Variants in RNGTT observed in about 807,000 individuals in gnomAD.
The protein encoded by RNGTT is RNA guanylyltransferase and 5'-phosphatase, also known as mRNA-capping enzyme.
Under a neutral mutation model 79.3 loss-of-function variants are expected in RNGTT, and 33 were observed. The ratio of observed to expected loss-of-function variants is 0.42; its 90% CI spans 0.32 to 0.56. The LOEUF (loss-of-function observed/expected upper bound fraction) is 0.56, where lower values mean the gene tolerates loss of function less well. Ranked by LOEUF, RNGTT falls within the 20% of genes least tolerant of loss-of-function variation. The pLI, the probability that RNGTT is intolerant of heterozygous loss-of-function variation, is 0.17. For synonymous variants in RNGTT, 222 were observed against 235.9 expected (o/e 0.94, Z 0.54); for missense variants, 497 against 739.1 (o/e 0.67, Z 3.80).
At chr6:88,658,810 G>A (rs1774076124) in intron 14 of RNGTT, among the ~76,000 whole-genome samples, 2 of 152,320 alleles carry the variant, frequency 1.3e-5, no homozygotes, top group Admixed American at 6.5e-5. Context: ...GATGCTTCCT[G>A]CCCTCAAACA....
In RNGTT at chr6:88,611,298, A is replaced by G. The variant is rs1184541383; in HGVS notation, c.*1421T>C. On this transcript the variant is annotated 3_prime_UTR_variant, in exon 16 of 16. Coordinates refer to ENST00000369485, the MANE Select transcript of RNGTT (RefSeq NM_003800.5). ...CGTCAGATATTCAGTCTACCGGGTAATTCAGTTGGATTTCGTGTCTGACTG... is the reference window on the plus strand; with the variant it reads ...CGTCAGATATTCAGTCTACCGGGTAGTTCAGTTGGATTTCGTGTCTGACTG... 6.6e-6 allele frequency: 1 copy of G among 152,658 alleles called. No individual in the cohort carries two copies. Among genetic ancestry groups the G allele is most frequent in the African/African-American group, 2.4e-5 (1 of 41,460 alleles). 9.5% of individuals were successfully genotyped at this position (152,658 alleles called of 1,614,324 possible).
intron 1 of RNGTT, among the ~76,000 whole-genome samples, chr6:88,963,124 G>A (rs549870938): frequency 1.7e-4 from 26 of 152,042 alleles, no homozygotes; most frequent in Non-Finnish European, 3.2e-4. Context: ...CTTCACATTC[G>A]CACAGTTAGC....
chr6:88,958,545 CA>C (rs560350998), intron 1 of RNGTT, among the ~76,000 whole-genome samples: 53 of 152,130 alleles, frequency 3.5e-4, no homozygotes, highest in Non-Finnish European at 6.5e-4. Context: ...ATAATCCCAT[CA>C]AAAAGTGGAC....
chr6:88,927,575 T>C (rs1455982908), intron 4 of RNGTT, among the ~76,000 whole-genome samples: 1 of 151,836 alleles, frequency 6.6e-6, no homozygotes, highest in South Asian at 2.1e-4. Flanking sequence ...GGCAGGAGAA[T>C]TGCTTGAACC....
chr6:88,953,230 A>G (rs1389752970), intron 1 of RNGTT, among the ~76,000 whole-genome samples: 1 of 152,226 alleles, frequency 6.6e-6, no homozygotes, highest in Non-Finnish European at 1.5e-5. Flanking sequence ...AAAATACAAG[A>G]TATGGATGAA....
chr6:88,705,114 T>A (rs1776087064), intron 13 of RNGTT, among the ~76,000 whole-genome samples: 1 of 152,150 alleles, frequency 6.6e-6, no homozygotes, highest in African/African-American at 2.4e-5. Context: ...GCACTATGAC[T>A]CAACATTGAA....
At chr6:88,847,766 T>C (rs1031838507) in intron 10 of RNGTT, among the ~76,000 whole-genome samples, 3 of 152,032 alleles carry the variant, frequency 2.0e-5, no homozygotes, top group African/African-American at 7.2e-5. Flanking sequence ...AGATTGACTT[T>C]ATTAAAATTT....
chr6:88,931,567 G>A (rs1367546933), intron 2 of RNGTT, among the ~76,000 whole-genome samples: 1 of 152,116 alleles, frequency 6.6e-6, no homozygotes, highest in East Asian at 1.9e-4. Flanking sequence ...ACCATGTGAT[G>A]CCTAAGAATC....
chr6:88,906,414 G>A lies in RNGTT; in HGVS notation c.394C>T (p.Arg132Cys). Residue 132 changes from arginine (R) to cysteine (C), a missense_variant, in exon 5 of 16, where the codon CGC becomes TGC. Physicochemically the swap from Arg to Cys is radical, Grantham distance 180. Coordinates refer to ENST00000369485, the MANE Select transcript of RNGTT (RefSeq NM_003800.5). ...AAGGCACATATGAGGAAACCAGTGCGATTGAAGCCATGAGTACAATGAACA... is the reference window on the plus strand; with the variant it reads ...AAGGCACATATGAGGAAACCAGTGCAATTGAAGCCATGAGTACAATGAACA... ...IGVHCTHGFNRTGFLICAFLV... is the reference protein window; with the variant it reads ...IGVHCTHGFNCTGFLICAFLV... 1.9e-6 allele frequency: 3 copies of A among 1,603,808 alleles called. No individual in the cohort carries two copies. The highest frequency in any genetic ancestry group is 2.3e-5 in the South Asian group (2 of 88,120).
At chr6:88,928,595 T>C (rs1300436237) in intron 4 of RNGTT, among the ~76,000 whole-genome samples, 1 of 152,182 alleles carries the variant, frequency 6.6e-6, no homozygotes, top group Non-Finnish European at 1.5e-5. Flanking sequence ...AATGGAATAC[T>C]ATATAGAAGC....
chr6:88,755,877 T>A (rs999729606), intron 13 of RNGTT, among the ~76,000 whole-genome samples: 1 of 149,144 alleles, frequency 6.7e-6, no homozygotes, highest in African/African-American at 2.5e-5. Flanking sequence ...AGAGAACTGC[T>A]TGAACCTGGG....
At chr6:88,684,451 T>C (rs1365512742) in intron 13 of RNGTT, among the ~76,000 whole-genome samples, 2 of 152,230 alleles carry the variant, frequency 1.3e-5, no homozygotes, top group African/African-American at 4.8e-5. Flanking sequence ...ATAGCGGCTT[T>C]ATTCATTATT....
intron 12 of RNGTT, among the ~76,000 whole-genome samples, chr6:88,785,424 T>C (rs115825834): frequency 2.4e-3 from 364 of 152,218 alleles, no homozygotes; most frequent in African/African-American, 8.1e-3. Context: ...GAAAATGATG[T>C]TTTGCTTTTT....
At chr6:88,936,438 T>A (rs1393367109) in intron 2 of RNGTT, among the ~76,000 whole-genome samples, 2 of 152,222 alleles carry the variant, frequency 1.3e-5, no homozygotes, top group Admixed American at 1.3e-4. Flanking sequence ...TAAGTGGACA[T>A]CCTTGTCTTG....
chr6:88,719,054 G>C (rs1292984595), intron 13 of RNGTT, among the ~76,000 whole-genome samples: 5 of 152,164 alleles, frequency 3.3e-5, no homozygotes, highest in Non-Finnish European at 5.9e-5. Flanking sequence ...ATTTGGATAA[G>C]AAAATGGGCA....
At chr6:88,664,613 G>A (rs1562180105) in intron 14 of RNGTT, among the ~76,000 whole-genome samples, 1 of 152,180 alleles carries the variant, frequency 6.6e-6, no homozygotes, top group Non-Finnish European at 1.5e-5. Context: ...TACCCAGTCT[G>A]ACCGTCCACG....
At chr6:88,920,563 C>T (rs1301915938) in intron 4 of RNGTT, among the ~76,000 whole-genome samples, 1 of 151,986 alleles carries the variant, frequency 6.6e-6, no homozygotes, top group Non-Finnish European at 1.5e-5. Flanking sequence ...ATGACTAGAA[C>T]CTACACAGCT....
chr6:88,696,639 G>C (rs867934264), intron 13 of RNGTT, among the ~76,000 whole-genome samples: 5 of 137,524 alleles, frequency 3.6e-5, no homozygotes, highest in Non-Finnish European at 8.1e-5. Context: ...CACACAAAAT[G>C]TGTAAAGTGC....
intron 14 of RNGTT, among the ~76,000 whole-genome samples, chr6:88,627,046 T>A (rs770485793): frequency 6.6e-6 from 1 of 151,414 alleles, no homozygotes; most frequent in Non-Finnish European, 1.5e-5. Context: ...ACCATTAACA[T>A]GAGGAGGAGG....
Sources: gnomAD v4.1 joint callset for allele counts (sites outside exome capture counted in the v4.1 genomes callset) on GRCh38, gnomAD v4.1.1 for gene constraint, MANE v1.5 for transcripts, NCBI Gene and HGNC (gene_info 2026-07-23, HGNC 2026-07-21) for gene names.